Variants in NAALADL2 observed in about 807,000 individuals in gnomAD.
NAALADL2 encodes inactive N-acetylated-alpha-linked acidic dipeptidase-like protein 2.
A neutral mutation model predicts 87.2 loss-of-function variants in NAALADL2; 76 were observed. The ratio of observed to expected loss-of-function variants is 0.87; its 90% CI spans 0.72 to 1.05. The LOEUF is 1.05. Ranked by LOEUF, NAALADL2 falls within the 50% of genes least tolerant of loss-of-function variation. The probability of loss-of-function intolerance (pLI) is 0.00; values close to 1 mark genes in which losing one functional copy is unlikely to be tolerated. For synonymous variants in NAALADL2, 354 were observed against 331.0 expected (o/e 1.07, Z -0.75); for missense variants, 1,089 against 945.8 (o/e 1.15, Z -1.99).
At chr3:175,660,469 G>A (rs1732102581) in intron 11 of NAALADL2, among the ~76,000 whole-genome samples, 1 of 152,002 alleles carries the variant, frequency 6.6e-6, no homozygotes, top group Admixed American at 6.6e-5. Context: ...GGGTAATTGG[G>A]ATATCCATCA....
intron 3 of NAALADL2, among the ~76,000 whole-genome samples, chr3:174,755,748 C>T (rs1711964987): frequency 6.6e-6 from 1 of 152,148 alleles, no homozygotes; most frequent in African/African-American, 2.4e-5. Flanking sequence ...CAATAAATGT[C>T]TAAGAGATTT....
intron 2 of NAALADL2, among the ~76,000 whole-genome samples, chr3:174,635,223 T>C (rs761219930): frequency 4.6e-5 from 7 of 152,316 alleles, no homozygotes; most frequent in Non-Finnish European, 1.0e-4. Context: ...TGGCATCGTA[T>C]AGAAATTGGA....
intron 5 of NAALADL2, among the ~76,000 whole-genome samples, chr3:175,325,144 T>A (rs1345045756): frequency 2.3e-5 from 2 of 86,734 alleles, no homozygotes; most frequent in African/African-American, 1.0e-4. Flanking sequence ...TTCTGCCAAA[T>A]TTTTTTTGTT....
intron 4 of NAALADL2, among the ~76,000 whole-genome samples, chr3:175,293,036 CAAAAAAAAA>C (rs568981496): frequency 3.2e-4 from 16 of 49,412 alleles, no homozygotes; most frequent in African/African-American, 9.5e-4. Flanking sequence ...GACTCCGTCT[CAAAAAAAAA>C]AAAAAAAAAA....
At position 175,069,619 on chromosome 3, in the gene NAALADL2, C is replaced by G. The variant is rs1377862018; in HGVS notation, c.44-27171C>G. On this transcript the variant is annotated intron_variant, in intron 1 of 13. Coordinates refer to ENST00000454872, the MANE Select transcript of NAALADL2 (RefSeq NM_207015.3). The stretch of plus-strand genomic sequence containing the variant: ...GTCAGTGTGGCGATTCCTCAGGGAT[C>G]TAGAACTAGAAATACCATTTGACCC... 4.8e-4 allele frequency among the ~76,000 whole-genome samples: 73 copies of G among 151,146 alleles called. 2 individuals are homozygous for G. Among genetic ancestry groups the G allele is most frequent in the African/African-American group, 1.6e-3 (66 of 41,118 alleles).
intron 4 of NAALADL2, among the ~76,000 whole-genome samples, chr3:175,258,268 A>T (rs935974452): frequency 6.2e-5 from 9 of 146,150 alleles, no homozygotes; most frequent in Non-Finnish European, 1.2e-4. Flanking sequence ...AGATCACGCC[A>T]CTGCACTCCA....
chr3:174,632,013 C>T (rs1311447194), intron 2 of NAALADL2: 11 of 152,170 alleles, frequency 7.2e-5, no homozygotes, highest in Admixed American at 7.2e-4. Flanking sequence ...GATATATTCC[C>T]TTTCTGTAAC....
intron 1 of NAALADL2, among the ~76,000 whole-genome samples, chr3:174,884,650 A>C (rs1012161306): frequency 7.2e-5 from 11 of 152,184 alleles, no homozygotes; most frequent in African/African-American, 2.2e-4. Context: ...TTAAATGCAG[A>C]GTCCCTACTT....
chr3:174,769,142 A>G (rs1046954483), intron 3 of NAALADL2, among the ~76,000 whole-genome samples: 4 of 151,916 alleles, frequency 2.6e-5, no homozygotes, highest in African/African-American at 7.2e-5. Flanking sequence ...GCTAGTCTAT[A>G]TTATTTCCTT....
At chr3:175,016,615 C>G (rs533486128) in intron 1 of NAALADL2, among the ~76,000 whole-genome samples, 1 of 151,582 alleles carries the variant, frequency 6.6e-6, no homozygotes, top group East Asian at 1.9e-4. Flanking sequence ...TTAAAGAAAT[C>G]TTCTTAAATA....
intron 3 of NAALADL2, among the ~76,000 whole-genome samples, chr3:174,820,739 T>C (rs1267502121): frequency 6.6e-6 from 1 of 152,130 alleles, no homozygotes; most frequent in Admixed American, 6.6e-5. Context: ...AGCCAAGATG[T>C]AGGGAAAAGA....
Position 175,353,951 on chromosome 3 carries a change from T to TCA in NAALADL2, c.1090+29626_1090+29627insCA, listed in dbSNP as rs1323029213. 8.5e-4 allele frequency among the ~76,000 whole-genome samples: 130 copies of TCA among 152,310 alleles called. 3 individuals are homozygous for TCA. Among genetic ancestry groups the TCA allele is most frequent in the Middle Eastern group, 3.4e-3 (1 of 294 alleles). On this transcript the variant is annotated intron_variant, in intron 5 of 13. Coordinates refer to ENST00000454872, the MANE Select transcript of NAALADL2 (RefSeq NM_207015.3). ...AGCTGGAAGATTGACATCATATATG[T>TCA]AACACATTTGTTGTTTGTATACTTA... is the stretch of plus-strand genomic sequence containing the variant.
At chr3:175,462,644 C>G (rs1237240943) in intron 6 of NAALADL2, among the ~76,000 whole-genome samples, 1 of 152,148 alleles carries the variant, frequency 6.6e-6, no homozygotes, top group Non-Finnish European at 1.5e-5. Flanking sequence ...TGAACCACTT[C>G]CCAACCCAGA....
intron 3 of NAALADL2, among the ~76,000 whole-genome samples, chr3:174,752,708 G>A (rs562118126): frequency 4.0e-5 from 6 of 151,790 alleles, no homozygotes; most frequent in African/African-American, 1.2e-4. Context: ...AGTTAGCTGT[G>A]TAATTTATTT....
intron 11 of NAALADL2, among the ~76,000 whole-genome samples, chr3:175,689,630 T>C (rs77741688): frequency 2.4e-4 from 36 of 152,302 alleles, no homozygotes; most frequent in African/African-American, 7.9e-4. Context: ...CAGTAAATCC[T>C]ACTGCATCTT....
At chr3:174,986,995 CTTGAT>C (rs1745966048) in intron 1 of NAALADL2, among the ~76,000 whole-genome samples, 1 of 152,114 alleles carries the variant, frequency 6.6e-6, no homozygotes, top group African/African-American at 2.4e-5. Flanking sequence ...AGACCAAACA[CTTGAT>C]AATCTGGTTA....
rs941391026 is a variant in NAALADL2, at chr3:175,762,266, A to G, written c.2189+6848A>G. On this transcript the variant is annotated intron_variant, in intron 13 of 13. Transcript: ENST00000454872. ...GTTAAGACTCTCTTTTCTCTGTTGAATTGTCTTTTATTTGTCATACGATAT... is the reference window on the plus strand; with the variant it reads ...GTTAAGACTCTCTTTTCTCTGTTGAGTTGTCTTTTATTTGTCATACGATAT... Among the ~76,000 whole-genome samples the G allele has an allele frequency of 5.2e-5, 7 of 135,006 alleles. No homozygotes were observed. In the South Asian group the frequency reaches 6.8e-4, roughly 13 times the overall value. 88.6% of individuals were successfully genotyped at this position (135,006 alleles called of 152,430 possible).
Position 174,823,907 on chromosome 3 carries a change from C to T in NAALADL2, c.-9+86161C>T, listed in dbSNP as rs75454544. 7.3e-3 allele frequency among the ~76,000 whole-genome samples: 1,117 copies of T among 152,216 alleles called. 17 individuals carry two copies. Among genetic ancestry groups the T allele is most frequent in the African/African-American group, 0.026 (1,070 of 41,546 alleles). ...TGTATTTTTAGTAGATACGAGATTT[C>T]ACTATGTTGGCCAGGAAGGTATAAA... On this transcript the variant is annotated intron_variant, in intron 3 of 3. Coordinates refer to the NAALADL2 transcript ENST00000434257.
chr3:174,856,801 A>C (rs1725904500), upstream of NAALADL2, among the ~76,000 whole-genome samples: 1 of 138,226 alleles, frequency 7.2e-6, no homozygotes, highest in Non-Finnish European at 1.6e-5. Flanking sequence ...AGAAGGAAAG[A>C]GAAATCTGTG....
Sources: gnomAD v4.1 joint callset for allele counts (sites outside exome capture counted in the v4.1 genomes callset) on GRCh38, gnomAD v4.1.1 for gene constraint, MANE v1.5 for transcripts, NCBI Gene and HGNC (gene_info 2026-07-23, HGNC 2026-07-21) for gene names.